CNTN3: variants seen among roughly 807,000 people sequenced by gnomAD.
CNTN3 encodes contactin-3.
CNTN3 carries 60 observed loss-of-function variants against 119.1 expected under a neutral mutation model. The observed-to-expected ratio is 0.50, with a 90% CI of 0.41 to 0.62. The LOEUF (loss-of-function observed/expected upper bound fraction) is 0.62, where lower values mean the gene tolerates loss of function less well. CNTN3 is among the 20% of genes least tolerant of loss of function. The probability of loss-of-function intolerance (pLI) is 0.00; values close to 1 mark genes in which losing one functional copy is unlikely to be tolerated. For synonymous variants in CNTN3, 450 were observed against 438.7 expected (o/e 1.03, Z -0.32); for missense variants, 1,101 against 1,242.4 (o/e 0.89, Z 1.71).
intron 18 of CNTN3, among the ~76,000 whole-genome samples, chr3:74,296,165 T>G (rs1176459799): frequency 6.6e-6 from 1 of 152,220 alleles, no homozygotes; most frequent in African/African-American, 2.4e-5. Flanking sequence ...AGAAGTCTTT[T>G]GCTTCTTTCT....
chr3:74,387,456 A>G (rs1467466435), intron 5 of CNTN3, among the ~76,000 whole-genome samples: 1 of 152,226 alleles, frequency 6.6e-6, no homozygotes, highest in Non-Finnish European at 1.5e-5. Context: ...TTTGATTCTG[A>G]GAAATACTCA....
At chr3:74,413,318 T>C (rs1030402927) in intron 5 of CNTN3, among the ~76,000 whole-genome samples, 4 of 152,226 alleles carry the variant, frequency 2.6e-5, no homozygotes, top group African/African-American at 9.6e-5. Flanking sequence ...TGGAGTTGTT[T>C]GTTGCTGCAA....
At chr3:74,276,899 G>T (rs2106763631) in intron 20 of CNTN3, among the ~76,000 whole-genome samples, 1 of 152,146 alleles carries the variant, frequency 6.6e-6, no homozygotes, top group Admixed American at 6.5e-5. Flanking sequence ...GATTAACAAA[G>T]AAGAGAGGAG....
intron 5 of CNTN3, among the ~76,000 whole-genome samples, chr3:74,406,402 T>C (rs761279562): frequency 4.6e-5 from 7 of 152,026 alleles, no homozygotes; most frequent in Non-Finnish European, 8.8e-5. Context: ...TGAGAATAAA[T>C]AGACCAAAAT....
rs115005939 is a variant in CNTN3 at position 74,435,964 on chromosome 3, T to C, written c.359-11024A>G. 3.5e-3 allele frequency among the ~76,000 whole-genome samples: 532 copies of C among 152,276 alleles called. 3 individuals carry two copies. Among genetic ancestry groups the C allele is most frequent in the African/African-American group, 0.012 (509 of 41,568 alleles). ...TCAGTTTTCTTTATAAAACACACTC[T>C]CAGTTTCTAACACCTGCTAAAACGC... On this transcript the variant is annotated intron_variant, in intron 4 of 22. Transcript: ENST00000263665.
chr3:74,418,500 C>A (rs1331720231), intron 5 of CNTN3, among the ~76,000 whole-genome samples: 1 of 151,628 alleles, frequency 6.6e-6, no homozygotes, highest in Non-Finnish European at 1.5e-5. Flanking sequence ...TGCCACCATG[C>A]CCAGCTAATT....
intron 1 of CNTN3, among the ~76,000 whole-genome samples, chr3:74,601,034 G>A (rs939291734): frequency 6.8e-6 from 1 of 146,404 alleles, no homozygotes; most frequent in African/African-American, 2.5e-5. Flanking sequence ...ATAAACATAT[G>A]TATATCATAT....
intron 11 of CNTN3, among the ~76,000 whole-genome samples, chr3:74,356,225 C>A (rs1031420278): frequency 6.6e-5 from 10 of 152,038 alleles, no homozygotes; most frequent in African/African-American, 2.2e-4. Context: ...GACTTCCCAG[C>A]CTCCAGAACT....
chr3:74,409,915 T>C (rs535312566), intron 5 of CNTN3, among the ~76,000 whole-genome samples: 1 of 152,334 alleles, frequency 6.6e-6, no homozygotes, highest in African/African-American at 2.4e-5. Context: ...CTTTCAATTT[T>C]GTTGAAGATA....
At chr3:74,327,530 A>G (rs1346364641) in intron 13 of CNTN3, among the ~76,000 whole-genome samples, 3 of 152,190 alleles carry the variant, frequency 2.0e-5, no homozygotes, top group Admixed American at 6.5e-5. Flanking sequence ...AGTATTTACT[A>G]TCTTGGTAGG....
At chr3:74,274,750 A>G (rs1211101622) in intron 20 of CNTN3, among the ~76,000 whole-genome samples, 1 of 152,156 alleles carries the variant, frequency 6.6e-6, no homozygotes, top group Admixed American at 6.5e-5. Flanking sequence ...AAGGCTCTTT[A>G]ACAACCCCCA....
At chr3:74,425,320 T>C (rs1055866429) in intron 4 of CNTN3, among the ~76,000 whole-genome samples, 3 of 152,216 alleles carry the variant, frequency 2.0e-5, no homozygotes, top group African/African-American at 2.4e-5. Context: ...CTTCTGCTTA[T>C]AAGTGAGAAC....
chr3:74,500,645 C>G (rs1231377741), intron 2 of CNTN3, among the ~76,000 whole-genome samples: 1 of 151,322 alleles, frequency 6.6e-6, no homozygotes, highest in Non-Finnish European at 1.5e-5. Context: ...ACAAAGAAAA[C>G]GAGATCAAGA....
intron 3 of CNTN3, among the ~76,000 whole-genome samples, chr3:74,488,269 C>T (rs958683820): frequency 2.0e-5 from 3 of 151,904 alleles, no homozygotes; most frequent in East Asian, 1.9e-4. Context: ...CCCGACACCA[C>T]GCCTGGCTAA....
At chr3:74,314,501 A>C (rs1702780817) in intron 13 of CNTN3, among the ~76,000 whole-genome samples, 2 of 152,334 alleles carry the variant, frequency 1.3e-5, no homozygotes, top group African/African-American at 2.4e-5. Flanking sequence ...CAGCAGGAGT[A>C]GCTATATTAA....
At chr3:74,414,509 T>C (rs1057033411) in intron 5 of CNTN3, among the ~76,000 whole-genome samples, 46 of 152,158 alleles carry the variant, frequency 3.0e-4, no homozygotes, top group Admixed American at 2.9e-3. Flanking sequence ...ACCATCTGAA[T>C]CAAGACTCTC....
intron 6 of CNTN3, among the ~76,000 whole-genome samples, chr3:74,370,424 TATATA>T (rs1225520801): frequency 6.6e-6 from 1 of 152,108 alleles, no homozygotes; most frequent in Non-Finnish European, 1.5e-5. Flanking sequence ...CAAACTGAAA[TATATA>T]ATATATTATT....
chr3:74,486,085 T>C (rs1008574577), intron 4 of CNTN3, among the ~76,000 whole-genome samples: 1 of 112,756 alleles, frequency 8.9e-6, no homozygotes, highest in Admixed American at 7.8e-5. Flanking sequence ...TCTCTGACAA[T>C]TCTTTCGCAT....
At chr3:74,452,592 C>T (rs1702180508) in intron 4 of CNTN3, among the ~76,000 whole-genome samples, 1 of 111,814 alleles carries the variant, frequency 8.9e-6, no homozygotes, top group East Asian at 2.8e-4. Context: ...CTGTCTTCTG[C>T]CAGTTTTCAA....
Sources: allele counts gnomAD v4.1 joint callset (sites outside exome capture counted in the v4.1 genomes callset), GRCh38; gene constraint gnomAD v4.1.1; transcripts MANE v1.5; gene names NCBI Gene and HGNC (gene_info 2026-07-23, HGNC 2026-07-21).